Variants in ZNF530 observed in about 807,000 individuals in gnomAD.
The protein encoded by ZNF530 is zinc finger protein 530.
Under a neutral mutation model 2.8 loss-of-function variants are expected in ZNF530, and 5 were observed. That is an observed-to-expected ratio of 1.80 (90% CI 0.94 to 3.78). The LOEUF (loss-of-function observed/expected upper bound fraction) is 3.78, where lower values mean the gene tolerates loss of function less well. Ranked by LOEUF, ZNF530 falls within the 30% of genes most tolerant of loss-of-function variation. The pLI is 0.00. For synonymous variants in ZNF530, 229 were observed against 235.0 expected (o/e 0.97, Z 0.23); for missense variants, 619 against 673.3 (o/e 0.92, Z 0.89).
chr19:57,600,023 C>A lies in ZNF530; in HGVS notation c.-233C>A. On this transcript the variant is annotated 5_prime_UTR_variant, in exon 1 of 4. Coordinates refer to ENST00000597700, the MANE Select transcript of ZNF530 (RefSeq NM_001321981.2). The stretch of plus-strand genomic sequence containing the variant: ...TCTCAGCTGCACAGCCGGGGCCTGA[C>A]GGTCGCCGGCGGTGGTGACAGCTTT... 1 of 1,430,170 alleles carries A rather than the reference C, an allele frequency of 7.0e-7. No homozygotes were observed. Among genetic ancestry groups the A allele is most frequent in the Non-Finnish European group, 9.4e-7 (1 of 1,065,896 alleles). The allele number at this position is 1,430,170 out of a possible 1,614,324, so 88.6% of individuals were successfully genotyped here. A position where few individuals can be genotyped will look rare whatever the true frequency, so the allele number is the denominator to read the frequency against.
chr19:57,606,755 T>C lies in ZNF530; in HGVS notation c.1131T>C (p.Ser377=), dbSNP rs758230323. Residue 377 remains serine, a synonymous_variant, in exon 4 of 4, where the codon AGT becomes AGC. Coordinates refer to ENST00000597700, the MANE Select transcript of ZNF530 (RefSeq NM_001321981.2). ...FHTGERPYVC[S]ECGKSFGQKS... Reference sequence around the variant, plus strand: ...CTGGAGAAAGACCTTATGTGTGCAGTGAATGTGGGAAATCATTTGGCCAGA... The same window carrying C: ...CTGGAGAAAGACCTTATGTGTGCAGCGAATGTGGGAAATCATTTGGCCAGA... 1.5e-5 allele frequency: 25 copies of C among 1,613,752 alleles called. No individual in the cohort carries two copies. The Admixed American group carries it at 3.8e-4, about 25-fold the overall frequency.
intron 2 of ZNF530, 134 bp from the exon 3 acceptor site, chr19:57,604,143 G>A (rs1457473574): frequency 4.9e-6 from 6 of 1,218,574 alleles, no homozygotes; most frequent in South Asian, 2.6e-5. Flanking sequence ...GTAGGCATCA[G>A]TGGCATCAGG....
At position 57,606,246 on chromosome 19, in the gene ZNF530, T is replaced by G. The variant is rs1184256375; in HGVS notation, c.622T>G (p.Cys208Gly). The G allele has an allele frequency of 2.5e-5, 41 of 1,614,116 alleles. No homozygotes were observed. The highest frequency in any genetic ancestry group is 3.4e-5 in the Non-Finnish European group (40 of 1,180,040). ...RADSGERPYK[C>G]SECGKSFSQS... ...TGACTCTGGAGAAAGGCCTTACAAG[T>G]GCAGTGAATGTGGGAAATCCTTTAG... Residue 208 changes from cysteine to glycine, a missense_variant, in exon 4 of 4, where the codon TGC (cysteine) becomes GGC (glycine). By Grantham distance (159) the Cys-to-Gly change is radical. Coordinates refer to ENST00000597700, the MANE Select transcript of ZNF530 (RefSeq NM_001321981.2).
intron 2 of ZNF530, 49 bp from the exon 3 acceptor site, chr19:57,604,228 G>A (rs1980384682): frequency 6.2e-7 from 1 of 1,611,670 alleles, no homozygotes; most frequent in South Asian, 1.1e-5. Flanking sequence ...GAATCAACTT[G>A]GGGTCCTAGG....
chr19:57,606,039 G>A lies in ZNF530; in HGVS notation c.415G>A (p.Glu139Lys). ...HVSGKPFTFG[E>K]VGRDFSATSG... is the part of the protein sequence containing the mutation. ...GTCAGGAAAACCCTTCACGTTTGGG[G>A]AAGTCGGGAGGGACTTTTCAGCCAC... Residue 139 changes from glutamate to lysine, a missense_variant, in exon 4 of 4, where the codon GAA (glutamate) becomes AAA (lysine). Physicochemically the swap from Glu to Lys is moderately conservative, Grantham distance 56. Transcript: ENST00000597700. 6.2e-7 allele frequency: 1 copy of A among 1,614,200 alleles called. No homozygotes were observed.
downstream of ZNF530, among the ~76,000 whole-genome samples, chr19:57,610,667 C>T (rs146266418): frequency 2.8e-3 from 432 of 152,166 alleles, 3 homozygotes; most frequent in African/African-American, 1.0e-2. Flanking sequence ...CAGGGAGGAA[C>T]AGCTGTTCCT....
intron 2 of ZNF530, among the ~76,000 whole-genome samples, chr19:57,601,858 G>A (rs1409633127): frequency 6.6e-6 from 1 of 152,162 alleles, no homozygotes; most frequent in African/African-American, 2.4e-5. Context: ...AGGCAGGAGG[G>A]AGGCACCAGT....
In ZNF530 at chr19:57,609,573, G is replaced by A. The variant is rs1293180187; in HGVS notation, c.*2248G>A. Among the ~76,000 whole-genome samples, 1 of 152,170 alleles carries A rather than the reference G, an allele frequency of 6.6e-6. No homozygotes were observed. Among genetic ancestry groups the A allele is most frequent in the African/African-American group, 2.4e-5 (1 of 41,446 alleles). On this transcript the variant is annotated 3_prime_UTR_variant, in exon 4 of 4. Coordinates refer to ENST00000597700, the MANE Select transcript of ZNF530 (RefSeq NM_001321981.2). Reference sequence around the variant, plus strand: ...CAGGCAGAAGAATCTCTTGAACCTGGGAGGTGAGCCGAGATCGCACCATTG... The same window carrying A: ...CAGGCAGAAGAATCTCTTGAACCTGAGAGGTGAGCCGAGATCGCACCATTG...
At chr19:57,605,393 C>T in intron 3 of ZNF530, 1 of 292,924 alleles carries the variant, frequency 3.4e-6, no homozygotes. Flanking sequence ...ATCTTCTGTG[C>T]AGTGTACCGA....
Position 57,606,736 on chromosome 19 carries a change from A to G in ZNF530, c.1112A>G (p.Glu371Gly). The G allele has an allele frequency of 2.5e-6, 4 of 1,613,704 alleles. No individual in the cohort carries two copies. Among genetic ancestry groups the G allele is most frequent in the Non-Finnish European group, 3.4e-6 (4 of 1,179,984 alleles). The change falls in exon 4 of 4, where the codon GAA (glutamate) becomes GGA (glycine). Residue 371 changes from glutamate (E) to glycine (G), a missense_variant. Coordinates refer to ENST00000597700, the MANE Select transcript of ZNF530 (RefSeq NM_001321981.2). Reference sequence around the variant, plus strand: ...CACCACCAAAGATTTCACACTGGAGAAAGACCTTATGTGTGCAGTGAATGT... The same window carrying G: ...CACCACCAAAGATTTCACACTGGAGGAAGACCTTATGTGTGCAGTGAATGT... ...LIHHQRFHTGERPYVCSECGK... is the reference protein window; with the variant it reads ...LIHHQRFHTGGRPYVCSECGK...
Position 57,606,260 on chromosome 19 carries a change from G to T in ZNF530, c.636G>T (p.Gly212=). The T allele has an allele frequency of 1.2e-6, 2 of 1,614,122 alleles. No homozygotes were observed. The highest frequency in any genetic ancestry group is 1.7e-6 in the Non-Finnish European group (2 of 1,180,032). Residue 212 remains glycine, a synonymous_variant, in exon 4 of 4, where the codon GGG becomes GGT. Transcript: ENST00000597700. ...GGCCTTACAAGTGCAGTGAATGTGG[G>T]AAATCCTTTAGTCAAAGTTCTGGCT... The part of the protein sequence containing the change: ...GERPYKCSEC[G]KSFSQSSGFL...
chr19:57,603,072 G>A (rs1342166354), intron 2 of ZNF530, among the ~76,000 whole-genome samples: 1 of 152,140 alleles, frequency 6.6e-6, no homozygotes, highest in African/African-American at 2.4e-5. Context: ...CGTATTTTTA[G>A]TAGAGACGGG....
chr19:57,604,941 G>T, intron 3 of ZNF530: 1 of 155,336 alleles, frequency 6.4e-6, no homozygotes, highest in Admixed American at 6.2e-5. Flanking sequence ...TTATAGGTCT[G>T]GTATAGTTGC....
chr19:57,606,830 T>C lies in ZNF530; in HGVS notation c.1206T>C (p.Tyr402=), dbSNP rs766542527. Residue 402 remains tyrosine, a synonymous_variant, in exon 4 of 4, where the codon TAT becomes TAC. Coordinates refer to ENST00000597700, the MANE Select transcript of ZNF530 (RefSeq NM_001321981.2). ...HQRVHTGERP[Y]ECSECGKVFS... ...GAGTTCACACTGGAGAAAGGCCTTA[T>C]GAGTGCAGTGAATGTGGGAAAGTTT... 11 of 1,614,070 alleles carry C rather than the reference T, an allele frequency of 6.8e-6. No individual in the cohort carries two copies. The African/African-American group carries it at 1.2e-4, about 18-fold the overall frequency.
intron 2 of ZNF530, among the ~76,000 whole-genome samples, chr19:57,603,418 A>G (rs775707262): frequency 6.6e-5 from 10 of 152,208 alleles, no homozygotes; most frequent in Non-Finnish European, 1.3e-4. Flanking sequence ...CTTTACTGCT[A>G]TATAGCCTCA....
chr19:57,611,854 G>T (rs571195255), downstream of ZNF530, among the ~76,000 whole-genome samples: 4 of 151,974 alleles, frequency 2.6e-5, no homozygotes, highest in South Asian at 8.3e-4. Flanking sequence ...ACATTCCTGG[G>T]GTCCCTCTCT....
chr19:57,603,882 G>A (rs1980366891), intron 2 of ZNF530, among the ~76,000 whole-genome samples: 1 of 152,210 alleles, frequency 6.6e-6, no homozygotes, highest in Non-Finnish European at 1.5e-5. Flanking sequence ...GTGGCTGAGG[G>A]AGTGAGTTGG....
At chr19:57,601,611 G>T (rs530290420) in intron 2 of ZNF530, among the ~76,000 whole-genome samples, 1 of 152,332 alleles carries the variant, frequency 6.6e-6, no homozygotes, top group African/African-American at 2.4e-5. Context: ...AAGGGTGCAG[G>T]ATAGAGACTT....
intron 2 of ZNF530, among the ~76,000 whole-genome samples, chr19:57,603,079 C>T (rs949150470): frequency 1.4e-4 from 22 of 152,148 alleles, no homozygotes; most frequent in African/African-American, 3.4e-4. Flanking sequence ...TTAGTAGAGA[C>T]GGGGTTTCAC....
Sources: gnomAD v4.1 joint callset for allele counts (sites outside exome capture counted in the v4.1 genomes callset) on GRCh38, gnomAD v4.1.1 for gene constraint, MANE v1.5 for transcripts, NCBI Gene and HGNC (gene_info 2026-07-23, HGNC 2026-07-21) for gene names.